GRAMD1B: variants seen among roughly 807,000 people sequenced by gnomAD.
The protein encoded by GRAMD1B is protein Aster-B.
GRAMD1B carries 37 observed loss-of-function variants against 99.7 expected under a neutral mutation model. The observed-to-expected ratio is 0.37, with a 90% CI of 0.29 to 0.49. The LOEUF (loss-of-function observed/expected upper bound fraction) is 0.49. Ranked by LOEUF, GRAMD1B falls within the 20% of genes least tolerant of loss-of-function variation. GRAMD1B has a pLI of 0.98. For synonymous variants in GRAMD1B, 427 were observed against 387.6 expected (o/e 1.10, Z -1.19); for missense variants, 888 against 1,009.2 (o/e 0.88, Z 1.63).
At chr11:123,560,760 T>C in intron 2 of GRAMD1B, 1 of 452,176 alleles carries the variant, frequency 2.2e-6, no homozygotes, top group Admixed American at 2.4e-5. Flanking sequence ...GTGGGATTTT[T>C]TGGAAGCGGT....
At chr11:123,526,452 C>T (rs560099868) in intron 2 of GRAMD1B, among the ~76,000 whole-genome samples, 9 of 152,194 alleles carry the variant, frequency 5.9e-5, no homozygotes, top group African/African-American at 1.2e-4. Flanking sequence ...TCTCCAACTT[C>T]GAGTACGTGA....
chr11:123,434,384 G>A (rs1365703314), intron 1 of GRAMD1B, among the ~76,000 whole-genome samples: 1 of 152,088 alleles, frequency 6.6e-6, no homozygotes, highest in Non-Finnish European at 1.5e-5. Context: ...TATTTGGATT[G>A]TGTGTAAAAC....
At chr11:123,393,632 C>G (rs564990032) in intron 1 of GRAMD1B, among the ~76,000 whole-genome samples, 2 of 152,320 alleles carry the variant, frequency 1.3e-5, no homozygotes, top group African/African-American at 4.8e-5. Context: ...GCTGCCTTCT[C>G]CCAGAATGAA....
chr11:123,578,540 C>A, intron 3 of GRAMD1B: 1 of 791,512 alleles, frequency 1.3e-6, no homozygotes, highest in Non-Finnish European at 2.1e-6. Flanking sequence ...TTATATCCTG[C>A]TTGGTCCCTT....
intron 3 of GRAMD1B, among the ~76,000 whole-genome samples, chr11:123,579,644 C>T (rs998251188): frequency 5.9e-5 from 9 of 152,044 alleles, no homozygotes; most frequent in Admixed American, 3.3e-4. Context: ...AGTGGGTGCT[C>T]GAGGCTCAGC....
At position 123,591,350 on chromosome 11, in the gene GRAMD1B, G is replaced by A; in HGVS notation, c.685-2732G>A. On this transcript the variant is annotated intron_variant, in intron 4 of 19. Transcript: ENST00000635736. The surrounding 1 kb of genome is among the most constrained non-coding windows in gnomAD (Gnocchi z 4.7). ...CGTGTGGGGACAGTCGGGAGTCAGTGCTCAGGGAGCCAGGCGTCGTTGGGA... is the reference window on the plus strand; with the variant it reads ...CGTGTGGGGACAGTCGGGAGTCAGTACTCAGGGAGCCAGGCGTCGTTGGGA... 1 of 398,948 alleles carries A rather than the reference G, an allele frequency of 2.5e-6. No individual in the cohort carries two copies. 24.7% of individuals were successfully genotyped at this position (398,948 alleles called of 1,614,324 possible).
At chr11:123,397,207 C>T (rs910240466) in intron 1 of GRAMD1B, among the ~76,000 whole-genome samples, 1 of 152,028 alleles carries the variant, frequency 6.6e-6, no homozygotes, top group Non-Finnish European at 1.5e-5. Flanking sequence ...AGTTCGAGAC[C>T]AGCCTGGCCA....
At chr11:123,400,484 G>T (rs886558714) in intron 1 of GRAMD1B, among the ~76,000 whole-genome samples, 3 of 152,156 alleles carry the variant, frequency 2.0e-5, no homozygotes, top group Non-Finnish European at 1.5e-5. Context: ...TCTCAAAAAA[G>T]AAAGAAAATA....
chr11:123,466,374 A>G (rs201789581), intron 1 of GRAMD1B, among the ~76,000 whole-genome samples: 13 of 130,762 alleles, frequency 9.9e-5, no homozygotes, highest in South Asian at 5.6e-4. Flanking sequence ...AGGAAAAAGA[A>G]AGAGAGAGAG....
At chr11:123,480,093 G>A (rs915140194) in intron 1 of GRAMD1B, among the ~76,000 whole-genome samples, 4 of 152,044 alleles carry the variant, frequency 2.6e-5, no homozygotes, top group African/African-American at 9.7e-5. Flanking sequence ...TTCTTTCTCT[G>A]GAGTAAGAGG....
chr11:123,479,340 G>A (rs1426422549), intron 1 of GRAMD1B, among the ~76,000 whole-genome samples: 1 of 152,202 alleles, frequency 6.6e-6, no homozygotes, highest in South Asian at 2.1e-4. Context: ...GAACTCATGT[G>A]CTTTGGCTGA....
At chr11:123,390,676 T>C (rs1479168458) in intron 1 of GRAMD1B, among the ~76,000 whole-genome samples, 1 of 152,220 alleles carries the variant, frequency 6.6e-6, no homozygotes, top group Non-Finnish European at 1.5e-5. Context: ...TTTGAAGACA[T>C]TCTTTTGCTC....
chr11:123,462,890 TTAAAAA>T (rs1253009256), intron 1 of GRAMD1B, among the ~76,000 whole-genome samples: 2 of 123,094 alleles, frequency 1.6e-5, no homozygotes, highest in African/African-American at 3.2e-5. Context: ...AAAAAATAAA[TTAAAAA>T]AAAAAAAAAA....
intron 1 of GRAMD1B, among the ~76,000 whole-genome samples, chr11:123,442,733 G>A (rs1378359609): frequency 6.6e-6 from 1 of 152,274 alleles, no homozygotes; most frequent in Admixed American, 6.5e-5. Context: ...TCGCACCACT[G>A]CACTCCAGCT....
At chr11:123,574,406 T>G (rs1948492592) in intron 2 of GRAMD1B, among the ~76,000 whole-genome samples, 1 of 151,716 alleles carries the variant, frequency 6.6e-6, no homozygotes, top group Non-Finnish European at 1.5e-5. Flanking sequence ...CAGCTGTGAG[T>G]GAGTAGGAAG....
intron 14 of GRAMD1B, among the ~76,000 whole-genome samples, chr11:123,612,511 T>G (rs1953725019): frequency 6.6e-6 from 1 of 150,924 alleles, no homozygotes; most frequent in African/African-American, 2.5e-5. Flanking sequence ...AACTCTGGAG[T>G]CAGAACCCTA....
intron 1 of GRAMD1B, chr11:123,431,896 C>G: frequency 2.5e-6 from 1 of 393,536 alleles, no homozygotes; most frequent in Non-Finnish European, 4.5e-6. Flanking sequence ...CTACACAGCC[C>G]TGGTCAGGAC....
rs200728708 is a variant in GRAMD1B at position 123,462,897 on chromosome 11, A to AT, written c.375-17919_375-17918insT. 2.0e-3 allele frequency among the ~76,000 whole-genome samples: 301 copies of AT among 148,514 alleles called. 1 individual carries two copies. Among genetic ancestry groups the AT allele is most frequent in the African/African-American group, 6.8e-3 (276 of 40,524 alleles). On this transcript the variant is annotated intron_variant, in intron 1 of 19. Transcript: ENST00000635736. ...TATCAATAAAAAAATAAATTAAAAA[A>AT]AAAAAAAAAAAAAAAGAAATCCCTG...
At chr11:123,622,408 G>T in intron 19 of GRAMD1B, 98 bp from the exon 20 acceptor site, 1 of 731,114 alleles carries the variant, frequency 1.4e-6, no homozygotes. Flanking sequence ...GGCGTGGTTG[G>T]AGGCCTGCCC....
Sources: gnomAD v4.1 joint callset for allele counts (sites outside exome capture counted in the v4.1 genomes callset) on GRCh38, gnomAD v4.1.1 for gene constraint, Gnocchi (gnomAD v3.1) non-coding constraint, MANE v1.5 for transcripts, NCBI Gene and HGNC (gene_info 2026-07-23, HGNC 2026-07-21) for gene names.